The following LRRK1 variants were observed in gnomAD, a reference collection of about 807,000 sequenced individuals.
LRRK1 encodes the protein leucine rich repeat kinase 1.
LRRK1 carries 113 observed loss-of-function variants against 209.1 expected under a neutral mutation model. The ratio of observed to expected loss-of-function variants is 0.54; its 90% confidence interval spans 0.46 to 0.63. The LOEUF (loss-of-function observed/expected upper bound fraction) is 0.63. LRRK1 is among the 30% of genes least tolerant of loss of function. The pLI, the probability that LRRK1 is intolerant of heterozygous loss-of-function variation, is 0.00. For synonymous variants in LRRK1, 1,144 were observed against 1,099.7 expected (o/e 1.04, Z -0.80); for missense variants, 2,284 against 2,632.2 (o/e 0.87, Z 2.89).
chr15:101,006,126 A>G (rs578052305), intron 6 of LRRK1, among the ~76,000 whole-genome samples: 2 of 152,284 alleles, frequency 1.3e-5, no homozygotes, highest in East Asian at 3.9e-4. Flanking sequence ...TAACCATGAG[A>G]CCAAACAGGG....
intron 2 of LRRK1, among the ~76,000 whole-genome samples, chr15:100,930,461 A>G (rs988729493): frequency 4.0e-5 from 6 of 151,664 alleles, no homozygotes; most frequent in Non-Finnish European, 5.9e-5. Flanking sequence ...GATCCACCCC[A>G]TCCTAGGTGG....
At chr15:101,052,723 G>T (rs539755373) in intron 24 of LRRK1, among the ~76,000 whole-genome samples, 199 bp from the exon 25 acceptor site, 1 of 152,354 alleles carries the variant, frequency 6.6e-6, no homozygotes, top group East Asian at 1.9e-4. Context: ...CTGTACAGAG[G>T]AGACTGAGGC....
chr15:100,982,664 C>A (rs944570082), intron 3 of LRRK1, among the ~76,000 whole-genome samples: 1 of 152,222 alleles, frequency 6.6e-6, no homozygotes, highest in Non-Finnish European at 1.5e-5. Context: ...GGATTCAGAT[C>A]TGTGAAGTCC....
At chr15:100,967,902 T>C (rs2030574308) in intron 2 of LRRK1, among the ~76,000 whole-genome samples, 1 of 152,216 alleles carries the variant, frequency 6.6e-6, no homozygotes, top group Admixed American at 6.5e-5. Context: ...TTTTTTTAGG[T>C]AAAATATATA....
At chr15:101,062,525 C>G in intron 30 of LRRK1, 49 bp from the exon 31 acceptor site, 1 of 1,328,610 alleles carries the variant, frequency 7.5e-7, no homozygotes, top group South Asian at 1.2e-5. Context: ...TGGGAAATGC[C>G]AGACACTTTC....
intron 6 of LRRK1, among the ~76,000 whole-genome samples, chr15:100,998,970 G>A (rs554682901): frequency 6.6e-5 from 10 of 152,180 alleles, no homozygotes; most frequent in Admixed American, 6.5e-5. Context: ...TTCTGTTTAC[G>A]TAGGGCCTCA....
intron 2 of LRRK1, among the ~76,000 whole-genome samples, chr15:100,942,282 CTGTT>C (rs1421992457): frequency 6.6e-6 from 1 of 152,194 alleles, no homozygotes; most frequent in Non-Finnish European, 1.5e-5. Context: ...GGGTTAGAAT[CTGTT>C]TGCGGAATGG....
intron 2 of LRRK1, among the ~76,000 whole-genome samples, chr15:100,962,501 G>T (rs140427336): frequency 0.011 from 1,638 of 152,080 alleles, 33 homozygotes; most frequent in African/African-American, 0.037. Flanking sequence ...CTGCACTCCA[G>T]CCTGGGTGAC....
At chr15:101,048,685 A>C in intron 22 of LRRK1, 28 bp downstream of exon 22, 1 of 1,480,458 alleles carries the variant, frequency 6.8e-7, no homozygotes, top group Non-Finnish European at 8.9e-7. Flanking sequence ...CCCACCTGCC[A>C]GGTCAGCAGG....
intron 6 of LRRK1, among the ~76,000 whole-genome samples, chr15:100,997,144 A>G (rs1462697698): frequency 6.6e-6 from 1 of 152,202 alleles, no homozygotes; most frequent in Non-Finnish European, 1.5e-5. Context: ...TATCCCAGTT[A>G]TAAGAGGGAG....
intron 2 of LRRK1, among the ~76,000 whole-genome samples, chr15:100,929,134 C>A (rs889325942): frequency 2.0e-5 from 3 of 152,162 alleles, no homozygotes; most frequent in Non-Finnish European, 4.4e-5. Flanking sequence ...AAAACCAGTC[C>A]CGCCAGCCAA....
chr15:101,038,794 G>A (rs946201682), intron 20 of LRRK1, among the ~76,000 whole-genome samples: 4 of 152,146 alleles, frequency 2.6e-5, no homozygotes, highest in African/African-American at 9.7e-5. Flanking sequence ...CAGCCATCTT[G>A]AAGCCGTCCC....
intron 4 of LRRK1, among the ~76,000 whole-genome samples, chr15:100,986,519 G>A (rs1043873581): frequency 2.0e-5 from 3 of 152,200 alleles, no homozygotes; most frequent in South Asian, 2.1e-4. Context: ...ACAGACCCTG[G>A]CTGATGGATG....
intron 4 of LRRK1, among the ~76,000 whole-genome samples, chr15:100,987,402 T>C (rs2031932192): frequency 6.6e-6 from 1 of 152,174 alleles, no homozygotes; most frequent in Non-Finnish European, 1.5e-5. Flanking sequence ...TTGCACTATT[T>C]TGAACTTGAA....
intron 3 of LRRK1, among the ~76,000 whole-genome samples, chr15:100,975,189 C>A (rs2031219839): frequency 6.6e-6 from 1 of 152,234 alleles, no homozygotes; most frequent in Non-Finnish European, 1.5e-5. Flanking sequence ...CTCGGGTGCA[C>A]CCCAGTGGCC....
rs368359585 is a variant in LRRK1, at chr15:101,017,539, C to T, written c.1609+2137C>T. On this transcript the variant is annotated intron_variant, in intron 12 of 33. Coordinates refer to ENST00000388948, the MANE Select transcript of LRRK1 (RefSeq NM_024652.6). ...TGAGCGGTGGGCCAGTGAGCATCAG[C>T]GCCACCTCCTGTCAGATCAGCGGCA... 1.3e-4 allele frequency among the ~76,000 whole-genome samples: 20 copies of T among 152,214 alleles called. No homozygotes were observed. In the East Asian group the frequency reaches 2.5e-3, roughly 19 times the overall value.
chr15:101,005,314 C>T (rs1454753298), intron 6 of LRRK1, among the ~76,000 whole-genome samples: 1 of 151,870 alleles, frequency 6.6e-6, no homozygotes, highest in Non-Finnish European at 1.5e-5. Context: ...CTGTACTTTG[C>T]AAGACGACCA....
intron 33 of LRRK1, among the ~76,000 whole-genome samples, chr15:101,067,033 T>G (rs1461129926): frequency 6.6e-6 from 1 of 152,126 alleles, no homozygotes; most frequent in African/African-American, 2.4e-5. Flanking sequence ...TCAGCTGCAA[T>G]CGACATGCAG....
rs1424330941 is a variant in LRRK1 at position 101,010,560 on chromosome 15, T to A, written c.1100T>A (p.Leu367Ter). ...GCTTCAAAAAATTGTTTAGAAAAAT[T>A]GTTCGAAGAAGAAAATGGTATGTTT... ...LTASKNCLEK[L>*]FEEENATNWI... Residue 367 changes from leucine to a stop codon, truncating the protein, a stop_gained, in exon 8 of 34, where the codon TTG (leucine) becomes TAG (stop). Transcript: ENST00000388948. LOFTEE classifies it high-confidence loss of function. 6.2e-7 allele frequency: 1 copy of A among 1,612,166 alleles called. No individual in the cohort carries two copies. Among genetic ancestry groups the A allele is most frequent in the Non-Finnish European group, 8.5e-7 (1 of 1,179,580 alleles).
Sources: gnomAD v4.1 joint callset for allele counts (sites outside exome capture counted in the v4.1 genomes callset) on GRCh38, gnomAD v4.1.1 for gene constraint, MANE v1.5 for transcripts, NCBI Gene and HGNC (gene_info 2026-07-23, HGNC 2026-07-21) for gene names.